ZNF33A: variants seen among roughly 807,000 people sequenced by gnomAD.
ZNF33A encodes the protein zinc finger protein 33A, also known as brain my041 protein.
ZNF33A carries 9 observed loss-of-function variants against 15.9 expected under a neutral mutation model. The observed-to-expected ratio is 0.57, with a 90% CI of 0.34 to 0.99. ZNF33A has a LOEUF of 0.99. ZNF33A is among the 50% of genes least tolerant of loss of function. ZNF33A has a pLI of 0.02. For synonymous variants in ZNF33A, 294 were observed against 324.2 expected, an observed-to-expected ratio of 0.91 and a Z score of 1.00; for missense variants, 843 against 941.6, an observed-to-expected ratio of 0.90 and a Z score of 1.37.
downstream of ZNF33A, among the ~76,000 whole-genome samples, chr10:38,063,070 C>T (rs906936753): frequency 5.8e-5 from 7 of 121,630 alleles, no homozygotes; most frequent in Non-Finnish European, 8.4e-5. Flanking sequence ...TGGAAGTAAA[C>T]AGTGAGTTTG....
intron 2 of ZNF33A, among the ~76,000 whole-genome samples, chr10:38,014,118 T>C (rs960338236): frequency 5.2e-5 from 7 of 133,466 alleles, no homozygotes; most frequent in Admixed American, 4.3e-4. Context: ...CTTGGCTCAC[T>C]GCAGCCTCTG....
chr10:38,063,245 A>G (rs2066676333), downstream of ZNF33A, among the ~76,000 whole-genome samples: 1 of 152,078 alleles, frequency 6.6e-6, no homozygotes, highest in African/African-American at 2.4e-5. Flanking sequence ...GAATGAAGGA[A>G]CTGTGGGAAA....
chr10:38,022,449 G>A (rs565541362), intron 4 of ZNF33A, among the ~76,000 whole-genome samples: 3 of 152,060 alleles, frequency 2.0e-5, no homozygotes, highest in Non-Finnish European at 4.4e-5. Context: ...CTGAGGTCAA[G>A]AGTTCGTGAC....
chr10:38,010,929 G>A (rs2064142956), intron 1 of ZNF33A, 146 bp downstream of exon 1: 2 of 968,520 alleles, frequency 2.1e-6, no homozygotes, highest in East Asian at 5.2e-5. Flanking sequence ...CAGCGTGTGG[G>A]CCACGACGCT....
chr10:38,065,652 C>G (rs1400869513), downstream of ZNF33A, among the ~76,000 whole-genome samples: 2 of 151,990 alleles, frequency 1.3e-5, no homozygotes, highest in Non-Finnish European at 2.9e-5. Context: ...TCCGCACCAC[C>G]AACTCCAGTG....
intron 4 of ZNF33A, among the ~76,000 whole-genome samples, chr10:38,048,748 T>C (rs890373731): frequency 7.9e-5 from 12 of 152,160 alleles, no homozygotes; most frequent in African/African-American, 2.2e-4. Flanking sequence ...TTTAGGTTAG[T>C]AATGGATTTA....
intron 4 of ZNF33A, among the ~76,000 whole-genome samples, chr10:38,020,020 C>G (rs1002292556): frequency 5.9e-5 from 9 of 152,058 alleles, no homozygotes; most frequent in Admixed American, 3.9e-4. Context: ...ATTTTTATAC[C>G]TAGAACAACT....
In ZNF33A at chr10:38,039,187, G is replaced by GTT. The variant is rs138929289; in HGVS notation, c.251-15179_251-15178dup. On this transcript the variant is annotated intron_variant, in intron 4 of 4. Coordinates refer to ENST00000432900, the MANE Select transcript of ZNF33A (RefSeq NM_006954.2). ...CTCCAGTGAACCCTTATGGACCTGG[G>GTT]TTTTTTTTTTGTTTTTGTAATGGGA... Among the ~76,000 whole-genome samples the GTT allele has an allele frequency of 5.0e-3, 737 of 148,076 alleles. 7 individuals are homozygous for GTT. The highest frequency in any genetic ancestry group is 0.015 in the African/African-American group (617 of 40,256).
chr10:38,028,879 A>T (rs1181513808), intron 4 of ZNF33A, among the ~76,000 whole-genome samples: 5 of 152,168 alleles, frequency 3.3e-5, no homozygotes, highest in Non-Finnish European at 7.4e-5. Flanking sequence ...TTGCTTTCAC[A>T]TTCTAAATTT....
rs377475668 is a variant in ZNF33A at position 38,059,381 on chromosome 10, T to G, written c.*2821T>G. 1.1e-4 allele frequency: 16 copies of G among 152,096 alleles called. No homozygotes were observed. The highest frequency in any genetic ancestry group is 3.1e-4 in the African/African-American group (13 of 41,466). 9.4% of individuals were successfully genotyped at this position (152,096 alleles called of 1,614,324 possible). On this transcript the variant is annotated 3_prime_UTR_variant, in exon 5 of 5. Transcript: ENST00000432900. ...AATGCAGTGTTAAAAAAAAAAGAAA[T>G]AAAATGCACATAGATTTGAAAGGAT...
chr10:38,055,851 CAG>C lies in ZNF33A; in HGVS notation c.1728_1729del (p.Lys579ThrfsTer6), dbSNP rs774989567. 258 of 1,614,088 alleles carry C rather than the reference CAG, an allele frequency of 1.6e-4. No individual in the cohort carries two copies. Among genetic ancestry groups the C allele is most frequent in the African/African-American group, 1.1e-3 (80 of 75,028 alleles). ...CTCTCTCAACATTATAGAACACACACAGGGGAGAAACCCTACGAATGTCATGA... is the reference window on the plus strand; with the variant it reads ...CTCTCTCAACATTATAGAACACACACGGGAGAAACCCTACGAATGTCATGA... On this transcript the variant is annotated frameshift_variant, in exon 5 of 5. Coordinates refer to ENST00000432900, the MANE Select transcript of ZNF33A (RefSeq NM_006954.2). LOFTEE classifies it low-confidence loss of function (END_TRUNC).
chr10:38,043,355 G>C (rs1412998575), intron 4 of ZNF33A, among the ~76,000 whole-genome samples: 1 of 142,652 alleles, frequency 7.0e-6, no homozygotes, highest in African/African-American at 2.6e-5. Flanking sequence ...TGTGGGGTAG[G>C]GGGAGGGGGG....
At chr10:38,043,611 C>T (rs1487008324) in intron 4 of ZNF33A, among the ~76,000 whole-genome samples, 4 of 152,030 alleles carry the variant, frequency 2.6e-5, no homozygotes, top group Non-Finnish European at 5.9e-5. Context: ...CCCCCAACAA[C>T]TCCACCAGTA....
intron 1 of ZNF33A, among the ~76,000 whole-genome samples, chr10:38,011,636 T>G (rs529860071): frequency 6.6e-6 from 1 of 152,208 alleles, no homozygotes; most frequent in East Asian, 1.9e-4. Flanking sequence ...GAAAAAGATT[T>G]TTTTTGTTTT....
Position 38,055,300 on chromosome 10 carries a change from A to T in ZNF33A, c.1176A>T (p.Lys392Asn). The T allele has an allele frequency of 6.2e-7, 1 of 1,614,124 alleles. No homozygotes were observed. The highest frequency in any genetic ancestry group is 1.1e-5 in the South Asian group (1 of 91,080). ...CTTTTGAATGCAATGAATGTGGGAA[A>T]GCCTTTAGCCATAAGTCAGCCCTCA... ...EKPFECNECG[K>N]AFSHKSALTL... Residue 392 changes from lysine (K) to asparagine (N), a missense_variant, in exon 5 of 5, where the codon AAA becomes AAT. Physicochemically the swap from Lys to Asn is moderately conservative, Grantham distance 94. Transcript: ENST00000432900.
In ZNF33A at chr10:38,056,336, C is replaced by T. The variant is rs1298695869; in HGVS notation, c.2212C>T (p.Gln738Ter). ...CTTTTACCGTAAATCGGAACTTGCT[C>T]AACATCAGAGATCACATACAGGGGA... ...KIFYRKSELAQHQRSHTGEKP... is the reference protein window; with the variant it reads ...KIFYRKSELA The change falls in exon 5 of 5, where the codon CAA becomes TAA. Residue 738 changes from glutamine to a stop codon, truncating the protein, a stop_gained. Transcript: ENST00000432900. LOFTEE classifies it low-confidence loss of function (END_TRUNC). 1 of 1,613,990 alleles carries T rather than the reference C, an allele frequency of 6.2e-7. No homozygotes were observed. The highest frequency in any genetic ancestry group is 2.2e-5 in the East Asian group (1 of 44,836).
At chr10:38,027,678 C>G (rs2065044823) in intron 4 of ZNF33A, among the ~76,000 whole-genome samples, 1 of 152,114 alleles carries the variant, frequency 6.6e-6, no homozygotes. Flanking sequence ...TAAGAACTGT[C>G]AGTTTCTCCC....
At position 38,024,035 on chromosome 10, in the gene ZNF33A, G is replaced by A. The variant is rs151171219; in HGVS notation, c.250+6649G>A. ...TAGCCGGGTGTGGTGGTGCATGCCT[G>A]TAATCCCAGCTACGTGGGAGGCAGG... On this transcript the variant is annotated intron_variant, in intron 4 of 4. Transcript: ENST00000432900. Among the ~76,000 whole-genome samples the A allele has an allele frequency of 4.5e-3, 681 of 151,986 alleles. 2 individuals carry two copies. The highest frequency in any genetic ancestry group is 5.4e-3 in the Non-Finnish European group (369 of 67,974).
chr10:38,062,186 C>T (rs1372253325), downstream of ZNF33A, among the ~76,000 whole-genome samples: 1 of 152,118 alleles, frequency 6.6e-6, no homozygotes, highest in East Asian at 1.9e-4. Context: ...CAAGGAGGGG[C>T]TGCCTTGGAA....
Sources: allele counts gnomAD v4.1 joint callset (sites outside exome capture counted in the v4.1 genomes callset), GRCh38; gene constraint gnomAD v4.1.1; transcripts MANE v1.5; gene names NCBI Gene and HGNC (gene_info 2026-07-23, HGNC 2026-07-21).